The following CUX1 variants were observed in gnomAD, a reference collection of about 807,000 sequenced individuals.
CUX1 encodes the protein cut like homeobox 1.
CUX1 carries 31 observed loss-of-function variants against 158.8 expected under a neutral mutation model. The observed-to-expected ratio is 0.20, with a 90% CI of 0.15 to 0.26. The LOEUF (loss-of-function observed/expected upper bound fraction) is 0.26. CUX1 is among the 10% of genes least tolerant of loss of function. The pLI is 1.00. For missense variants in CUX1, 1,589 were observed against 2,014.6 expected, an observed-to-expected ratio of 0.79 and a Z score of 4.04; for synonymous variants, 879 against 862.1, an observed-to-expected ratio of 1.02 and a Z score of -0.34.
chr7:101,881,433 C>G (rs1799693891), intron 1 of CUX1, among the ~76,000 whole-genome samples: 1 of 152,238 alleles, frequency 6.6e-6, no homozygotes, highest in African/African-American at 2.4e-5. Flanking sequence ...TCATCGCTGG[C>G]AGGCCCGAGT....
chr7:101,989,711 A>G (rs370272349), intron 2 of CUX1, among the ~76,000 whole-genome samples: 2 of 152,064 alleles, frequency 1.3e-5, no homozygotes, highest in Admixed American at 6.6e-5. Flanking sequence ...TGACCCCAAC[A>G]CCATCTCCTC....
At chr7:102,272,423 T>C (rs1791284613) in intron 14 of CUX1, among the ~76,000 whole-genome samples, 1 of 152,248 alleles carries the variant, frequency 6.6e-6, no homozygotes, top group South Asian at 2.1e-4. Flanking sequence ...CTGTGCAGCC[T>C]ACCCCAAAGG....
intron 8 of CUX1, among the ~76,000 whole-genome samples, chr7:102,154,909 G>A (rs1435773808): frequency 8.5e-5 from 13 of 152,118 alleles, no homozygotes; most frequent in African/African-American, 2.2e-4. Context: ...CTCACCAGCC[G>A]GACCAGTCCC....
chr7:102,096,631 A>G (rs990330754), intron 4 of CUX1, among the ~76,000 whole-genome samples: 1 of 152,152 alleles, frequency 6.6e-6, no homozygotes, highest in South Asian at 2.1e-4. Flanking sequence ...GCTTGAGCCC[A>G]GGAGGTGGAG....
intron 10 of CUX1, among the ~76,000 whole-genome samples, chr7:102,176,948 C>CT (rs113478597): frequency 0.39 from 56,089 of 142,438 alleles, 11,095 homozygotes; most frequent in Middle Eastern, 0.49. Flanking sequence ...TGACTTTTTC[C>CT]TTTTTTTTTT....
At chr7:102,158,539 C>G (rs199948555) in intron 8 of CUX1, 21 bp from the exon 9 acceptor site, 39 of 1,613,904 alleles carry the variant, frequency 2.4e-5, no homozygotes, top group Admixed American at 3.3e-5. Context: ...CTAACCTGCT[C>G]TCTCCCTCTC....
chr7:102,166,772 C>T (rs950568200), intron 9 of CUX1, among the ~76,000 whole-genome samples: 3 of 152,160 alleles, frequency 2.0e-5, no homozygotes, highest in African/African-American at 4.8e-5. Context: ...CACCTCAACG[C>T]TTCATTTTGT....
Position 102,116,070 on chromosome 7 carries a change from G to A in CUX1, c.674+797G>A, listed in dbSNP as rs375416859. On this transcript the variant is annotated intron_variant, in intron 8 of 23. Coordinates refer to ENST00000292535, the MANE Select transcript of CUX1 (RefSeq NM_181552.4). ...CCCTATTCCAGTTACAAAGGTCCCC[G>A]CACTCTGCTCACACAGTGCCTCCGT... Among the ~76,000 whole-genome samples the A allele has an allele frequency of 6.6e-5, 10 of 152,172 alleles. No individual in the cohort carries two copies. The South Asian group carries it at 1.7e-3, about 25-fold the overall frequency.
chr7:102,141,226 G>A (rs1484776737), intron 8 of CUX1, among the ~76,000 whole-genome samples: 1 of 152,184 alleles, frequency 6.6e-6, no homozygotes, highest in African/African-American at 2.4e-5. Flanking sequence ...CCAGCGAGAG[G>A]AAGAGGAAGG....
chr7:102,269,315 C>G (rs952901180), intron 14 of CUX1, among the ~76,000 whole-genome samples: 2 of 152,060 alleles, frequency 1.3e-5, no homozygotes, highest in East Asian at 1.9e-4. Context: ...GGATGAATAT[C>G]CAAACTATAT....
At chr7:101,896,773 C>A (rs936789737) in intron 1 of CUX1, among the ~76,000 whole-genome samples, 1 of 152,188 alleles carries the variant, frequency 6.6e-6, no homozygotes, top group African/African-American at 2.4e-5. Flanking sequence ...AAATGTGGAG[C>A]CTGTCTGTCC....
chr7:101,897,511 A>T (rs750323264), intron 1 of CUX1, among the ~76,000 whole-genome samples: 3,464 of 151,414 alleles, frequency 0.023, 56 homozygotes, highest in South Asian at 0.03. Context: ...TAAAAAAAAA[A>T]AATAATAATA....
At chr7:101,883,396 T>C (rs1799912040) in intron 1 of CUX1, among the ~76,000 whole-genome samples, 3 of 152,152 alleles carry the variant, frequency 2.0e-5, no homozygotes, top group Admixed American at 2.0e-4. Flanking sequence ...TTTCATCATA[T>C]GTACACATAG....
intron 2 of CUX1, among the ~76,000 whole-genome samples, chr7:101,945,241 C>T (rs1031784237): frequency 3.9e-5 from 6 of 152,092 alleles, no homozygotes; most frequent in Non-Finnish European, 5.9e-5. Context: ...AGGCAGGCTC[C>T]GGCTCTGCAC....
At chr7:101,825,732 G>A (rs1307905178) in intron 1 of CUX1, among the ~76,000 whole-genome samples, 3 of 148,754 alleles carry the variant, frequency 2.0e-5, no homozygotes, top group Non-Finnish European at 4.4e-5. Flanking sequence ...ATCTTAAAAC[G>A]CCCTGATACC....
chr7:101,882,668 G>C (rs556907373), intron 1 of CUX1, among the ~76,000 whole-genome samples: 3 of 152,168 alleles, frequency 2.0e-5, no homozygotes, highest in Non-Finnish European at 2.9e-5. Context: ...TCTGCACATA[G>C]TAGTAGGTAC....
chr7:102,138,226 A>G (rs1315054902), intron 8 of CUX1, among the ~76,000 whole-genome samples: 1 of 152,252 alleles, frequency 6.6e-6, no homozygotes, highest in East Asian at 1.9e-4. Flanking sequence ...TTTACTCAAA[A>G]TGTGTTTCTA....
At chr7:102,209,477 T>C (rs1254501022) in intron 20 of CUX1, among the ~76,000 whole-genome samples, 2 of 22,084 alleles carry the variant, frequency 9.1e-5, no homozygotes, top group African/African-American at 2.9e-4. Context: ...CATGAGTAAC[T>C]TTTTTTTTAA....
At chr7:101,973,795 G>A (rs1230649013) in intron 2 of CUX1, among the ~76,000 whole-genome samples, 1 of 146,644 alleles carries the variant, frequency 6.8e-6, no homozygotes, top group African/African-American at 2.5e-5. Flanking sequence ...TTGAGACGGA[G>A]TCTCACACTG....
Sources: gnomAD v4.1 joint callset for allele counts (sites outside exome capture counted in the v4.1 genomes callset) on GRCh38, gnomAD v4.1.1 for gene constraint, MANE v1.5 for transcripts, NCBI Gene and HGNC (gene_info 2026-07-23, HGNC 2026-07-21) for gene names.